Variants in RYR2 observed in about 807,000 individuals in gnomAD.
The protein encoded by RYR2 is cardiac muscle ryanodine receptor-calcium release channel.
RYR2 carries 227 observed loss-of-function variants against 601.1 expected under a neutral mutation model. The observed-to-expected ratio is 0.38, with a 90% confidence interval of 0.34 to 0.42. The LOEUF is 0.42. Ranked by LOEUF, RYR2 falls within the 10% of genes least tolerant of loss-of-function variation. The pLI is 1.00. For missense variants in RYR2, 4,646 were observed against 6,156.5 expected (o/e 0.75, Z 8.21); for synonymous variants, 2,223 against 2,175.1 (o/e 1.02, Z -0.61).
chr1:237,093,944 A>G (rs951790182), intron 1 of RYR2, among the ~76,000 whole-genome samples: 1 of 152,200 alleles, frequency 6.6e-6, no homozygotes, highest in Non-Finnish European at 1.5e-5. Context: ...GAGGGGAAGC[A>G]GGAGTCCTGG....
At chr1:237,306,621 T>C (rs1018629512) in intron 2 of RYR2, among the ~76,000 whole-genome samples, 1 of 150,954 alleles carries the variant, frequency 6.6e-6, no homozygotes, top group Admixed American at 6.6e-5. Flanking sequence ...ATCTTTCTCC[T>C]GATATCAGCT....
At chr1:237,108,661 G>A (rs182278988) in intron 1 of RYR2, among the ~76,000 whole-genome samples, 71 of 152,292 alleles carry the variant, frequency 4.7e-4, no homozygotes, top group Non-Finnish European at 6.8e-4. Flanking sequence ...GTGTAGGGGC[G>A]TGGAGGCTGC....
chr1:237,459,063 T>C (rs1020522397), intron 16 of RYR2, among the ~76,000 whole-genome samples: 13 of 152,238 alleles, frequency 8.5e-5, no homozygotes, highest in African/African-American at 3.1e-4. Context: ...ACGATTGAGA[T>C]AAAGATTTTG....
chr1:237,830,790 G>T (rs1174989089), intron 103 of RYR2, among the ~76,000 whole-genome samples, 160 bp downstream of exon 103: 1 of 152,154 alleles, frequency 6.6e-6, no homozygotes, highest in Non-Finnish European at 1.5e-5. Flanking sequence ...TTTTCCTCTG[G>T]AGTAGGTTGA....
intron 91 of RYR2, among the ~76,000 whole-genome samples, chr1:237,786,855 T>G (rs1657651950): frequency 6.6e-6 from 1 of 152,198 alleles, no homozygotes; most frequent in Admixed American, 6.5e-5. Context: ...ATCGTTATGT[T>G]TTTGTAGTCA....
intron 3 of RYR2, among the ~76,000 whole-genome samples, chr1:237,343,940 C>T (rs1179460757): frequency 2.6e-5 from 4 of 151,892 alleles, no homozygotes; most frequent in Non-Finnish European, 5.9e-5. Context: ...CCTGCCTCAG[C>T]CTCCCAAGTA....
chr1:237,057,689 T>C (rs561244519), intron 1 of RYR2, among the ~76,000 whole-genome samples: 1 of 152,250 alleles, frequency 6.6e-6, no homozygotes, highest in African/African-American at 2.4e-5. Context: ...GGGATGCTTT[T>C]CTTTTCTCAT....
chr1:237,635,370 G>A (rs6698949), intron 44 of RYR2, among the ~76,000 whole-genome samples: 61,199 of 151,846 alleles, frequency 0.4, 13,015 homozygotes, highest in African/African-American at 0.55. Context: ...TTTTCTTTTC[G>A]TGATATCTGC....
At chr1:237,817,088 G>A (rs1372624230) in intron 100 of RYR2, among the ~76,000 whole-genome samples, 1 of 152,160 alleles carries the variant, frequency 6.6e-6, no homozygotes, top group Non-Finnish European at 1.5e-5. Context: ...GGCACTGGCT[G>A]AGCTGGCCTT....
At chr1:237,533,393 A>T (rs1391620030) in intron 25 of RYR2, among the ~76,000 whole-genome samples, 5 of 152,154 alleles carry the variant, frequency 3.3e-5, no homozygotes, top group African/African-American at 1.2e-4. Context: ...TTGGTACCCA[A>T]CAGTTCCACT....
chr1:237,128,626 G>A (rs1035153181), intron 1 of RYR2, among the ~76,000 whole-genome samples: 1 of 152,124 alleles, frequency 6.6e-6, no homozygotes, highest in Non-Finnish European at 1.5e-5. Flanking sequence ...CAGAAGTTTT[G>A]AGCAGAAGAG....
intron 16 of RYR2, among the ~76,000 whole-genome samples, chr1:237,462,521 C>T (rs1166923515): frequency 6.6e-6 from 1 of 152,170 alleles, no homozygotes; most frequent in African/African-American, 2.4e-5. Context: ...GAATGATTTT[C>T]TAAAGATGTC....
chr1:237,132,227 G>A (rs554483127), intron 1 of RYR2, among the ~76,000 whole-genome samples: 12 of 152,282 alleles, frequency 7.9e-5, no homozygotes, highest in South Asian at 2.1e-4. Flanking sequence ...AATCTATAGC[G>A]GGGCCTGTGT....
intron 101 of RYR2, among the ~76,000 whole-genome samples, chr1:237,827,657 G>A (rs1342693734): frequency 3.5e-5 from 5 of 141,786 alleles, no homozygotes; most frequent in Non-Finnish European, 6.1e-5. Flanking sequence ...AAAATGACTT[G>A]ACTGGGCATG....
intron 1 of RYR2, among the ~76,000 whole-genome samples, chr1:237,202,568 C>A (rs1681315993): frequency 6.6e-6 from 1 of 152,134 alleles, no homozygotes; most frequent in Admixed American, 6.6e-5. Flanking sequence ...TCACTGCACC[C>A]AGCTAATTTT....
At chr1:237,439,910 A>G (rs1707751801) in intron 12 of RYR2, among the ~76,000 whole-genome samples, 1 of 152,024 alleles carries the variant, frequency 6.6e-6, no homozygotes, top group African/African-American at 2.4e-5. Flanking sequence ...ACAGAATTTA[A>G]TTTTTCTATT....
chr1:237,565,737 T>C (rs1276905343), intron 27 of RYR2, among the ~76,000 whole-genome samples: 9 of 152,142 alleles, frequency 5.9e-5, no homozygotes, highest in Non-Finnish European at 1.2e-4. Context: ...CTTTGAGATA[T>C]CAATTCAATG....
chr1:237,792,048 C>T (rs1658434146), intron 93 of RYR2, 57 bp from the exon 94 acceptor site: 2 of 1,259,450 alleles, frequency 1.6e-6, no homozygotes, highest in Non-Finnish European at 2.3e-6. Context: ...TTGTCTTTTG[C>T]TTGCAATGGT....
chr1:237,477,252 G>A (rs1466224121), intron 17 of RYR2, among the ~76,000 whole-genome samples: 1 of 152,224 alleles, frequency 6.6e-6, no homozygotes, highest in South Asian at 2.1e-4. Context: ...TAAGCTGGGC[G>A]TAGTGGTGCG....
Sources: gnomAD v4.1 joint callset for allele counts (sites outside exome capture counted in the v4.1 genomes callset) on GRCh38, gnomAD v4.1.1 for gene constraint, MANE v1.5 for transcripts, NCBI Gene and HGNC (gene_info 2026-07-23, HGNC 2026-07-21) for gene names.